Variants in PPP1R12B observed in about 807,000 individuals in gnomAD.
The protein encoded by PPP1R12B is myosin phosphatase target subunit 2.
PPP1R12B carries 76 observed loss-of-function variants against 126.1 expected under a neutral mutation model. That is an observed-to-expected ratio of 0.60 (90% CI 0.50 to 0.73). The LOEUF is 0.73. PPP1R12B is among the 30% of genes least tolerant of loss of function. The pLI is 0.00. For missense variants in PPP1R12B, 1,052 were observed against 1,205.1 expected, an observed-to-expected ratio of 0.87 and a Z score of 1.88; for synonymous variants, 356 against 434.7, an observed-to-expected ratio of 0.82 and a Z score of 2.25.
chr1:202,475,056 C>T (rs1309126684), intron 13 of PPP1R12B, among the ~76,000 whole-genome samples: 2 of 152,166 alleles, frequency 1.3e-5, no homozygotes, highest in African/African-American at 2.4e-5. Context: ...CTTTGTTTTA[C>T]AGATGAAGAA....
intron 1 of PPP1R12B, among the ~76,000 whole-genome samples, chr1:202,415,008 G>A (rs1482323484): frequency 1.3e-5 from 2 of 151,936 alleles, no homozygotes; most frequent in Admixed American, 1.3e-4. Context: ...TGAACTCCTG[G>A]GCTCAAGCAA....
At chr1:202,390,358 G>A (rs1663939798) in intron 1 of PPP1R12B, among the ~76,000 whole-genome samples, 1 of 152,002 alleles carries the variant, frequency 6.6e-6, no homozygotes, top group Non-Finnish European at 1.5e-5. Flanking sequence ...CCATGACCTC[G>A]GATTGATTAA....
At chr1:202,413,624 T>G (rs1667678961) in intron 1 of PPP1R12B, among the ~76,000 whole-genome samples, 1 of 152,204 alleles carries the variant, frequency 6.6e-6, no homozygotes, top group Non-Finnish European at 1.5e-5. Flanking sequence ...TACTAAGAAA[T>G]TTTTAAAATA....
chr1:202,540,487 T>C lies in PPP1R12B; in HGVS notation c.2491-18390T>C, dbSNP rs186248184. On this transcript the variant is annotated intron_variant, in intron 18 of 23. Transcript: ENST00000608999. ...ATGTCGGGCTACAGTTTCTGCCTTT[T>C]AGCTTTTAACTATCGGTTGTAAACT... 3.3e-5 allele frequency among the ~76,000 whole-genome samples: 5 copies of C among 152,346 alleles called. No homozygotes were observed. The East Asian group carries it at 9.6e-4, about 29-fold the overall frequency.
intron 1 of PPP1R12B, among the ~76,000 whole-genome samples, chr1:202,414,565 G>A (rs1322871137): frequency 3.9e-5 from 6 of 152,142 alleles, no homozygotes; most frequent in African/African-American, 1.4e-4. Context: ...CATGGTGGTA[G>A]CTGTTTCCAG....
intron 13 of PPP1R12B, among the ~76,000 whole-genome samples, chr1:202,452,964 G>A (rs12046477): frequency 0.41 from 62,269 of 151,788 alleles, 14,745 homozygotes; most frequent in East Asian, 0.7. Flanking sequence ...ACTGTGCCTG[G>A]CCTATTGCTT....
chr1:202,509,545 C>T (rs1681196555), intron 18 of PPP1R12B, among the ~76,000 whole-genome samples: 2 of 152,172 alleles, frequency 1.3e-5, no homozygotes. Context: ...TATATAATCA[C>T]TTAATACTTG....
chr1:202,374,950 CT>C (rs1431347198), intron 1 of PPP1R12B, among the ~76,000 whole-genome samples: 1 of 151,944 alleles, frequency 6.6e-6, no homozygotes, highest in Middle Eastern at 3.2e-3. Flanking sequence ...TTCTTCTTTT[CT>C]TTTTTTCTTT....
chr1:202,462,443 C>T (rs1389280371), intron 13 of PPP1R12B, among the ~76,000 whole-genome samples: 2 of 151,956 alleles, frequency 1.3e-5, no homozygotes, highest in African/African-American at 4.8e-5. Flanking sequence ...AAAGTGTTTC[C>T]CCCTCCCCCT....
intron 13 of PPP1R12B, among the ~76,000 whole-genome samples, chr1:202,488,310 G>A (rs112498036): frequency 1.1e-4 from 16 of 152,186 alleles, no homozygotes; most frequent in African/African-American, 3.1e-4. Context: ...TTCACCATGG[G>A]TACTGAAACC....
intron 12 of PPP1R12B, 66 bp downstream of exon 12, chr1:202,442,638 G>T: frequency 6.9e-7 from 1 of 1,459,402 alleles, no homozygotes. Context: ...GGTAATGATT[G>T]TATGCCTTTT....
intron 18 of PPP1R12B, chr1:202,502,103 G>A: frequency 1.0e-5 from 10 of 985,736 alleles, no homozygotes; most frequent in Non-Finnish European, 1.2e-5. Flanking sequence ...CACTCAATCT[G>A]AACAAAATCA....
At chr1:202,575,111 A>C (rs1688976889) in intron 23 of PPP1R12B, 1 of 1,613,824 alleles carries the variant, frequency 6.2e-7, no homozygotes, top group African/African-American at 1.3e-5. Context: ...GAGTCCATCG[A>C]GTCCTCGGAC....
At chr1:202,440,880 C>T (rs1671514867) in intron 11 of PPP1R12B, 92 bp downstream of exon 11, 1 of 1,020,726 alleles carries the variant, frequency 9.8e-7, no homozygotes, top group Non-Finnish European at 1.5e-6. Flanking sequence ...GCATTTTTCC[C>T]TCAGGTGTCC....
intron 17 of PPP1R12B, among the ~76,000 whole-genome samples, chr1:202,496,509 T>C (rs1679569511): frequency 6.6e-6 from 1 of 152,264 alleles, no homozygotes; most frequent in African/African-American, 2.4e-5. Flanking sequence ...TTGACAAAGA[T>C]GAAATTAAGT....
At chr1:202,466,312 C>A (rs1351210731) in intron 13 of PPP1R12B, among the ~76,000 whole-genome samples, 1 of 152,108 alleles carries the variant, frequency 6.6e-6, no homozygotes, top group Non-Finnish European at 1.5e-5. Context: ...TTAGTCACTT[C>A]ATCTTTTACC....
At chr1:202,427,304 C>G in intron 5 of PPP1R12B, 120 bp downstream of exon 5, 5 of 1,398,650 alleles carry the variant, frequency 3.6e-6, no homozygotes, top group Non-Finnish European at 3.9e-6. Context: ...TCACTGGTAG[C>G]TATAATGTTA....
At chr1:202,393,301 G>A (rs927304611) in intron 1 of PPP1R12B, among the ~76,000 whole-genome samples, 2 of 151,782 alleles carry the variant, frequency 1.3e-5, no homozygotes, top group African/African-American at 4.8e-5. Context: ...TTATATCTCA[G>A]TATAGCTGTT....
At chr1:202,485,740 T>TTC (rs1678027370) in intron 13 of PPP1R12B, among the ~76,000 whole-genome samples, 1 of 152,188 alleles carries the variant, frequency 6.6e-6, no homozygotes, top group Admixed American at 6.5e-5. Context: ...TCCCGAGTAC[T>TTC]TCTTTGGTCA....
Sources: gnomAD v4.1 joint callset for allele counts (sites outside exome capture counted in the v4.1 genomes callset) on GRCh38, gnomAD v4.1.1 for gene constraint, MANE v1.5 for transcripts, NCBI Gene and HGNC (gene_info 2026-07-23, HGNC 2026-07-21) for gene names.